Variants in DCBLD1 observed in about 807,000 individuals in gnomAD.
The protein encoded by DCBLD1 is discoidin, CUB and LCCL domain containing 1, also known as discoidin, CUB and LCCL domain-containing protein 1.
DCBLD1 carries 57 observed loss-of-function variants against 71.5 expected under a neutral mutation model. The ratio of observed to expected loss-of-function variants is 0.80; its 90% CI spans 0.64 to 0.99. The LOEUF is 0.99. Among genes scored for constraint, DCBLD1 ranks in the 50% least tolerant of loss-of-function variants. DCBLD1 has a pLI of 0.00. For synonymous variants in DCBLD1, 380 were observed against 363.8 expected (o/e 1.04, Z -0.51); for missense variants, 891 against 923.5 (o/e 0.96, Z 0.46).
chr6:117,492,102 A>G (rs1421264478), intron 1 of DCBLD1, among the ~76,000 whole-genome samples: 2 of 152,222 alleles, frequency 1.3e-5, no homozygotes, highest in Admixed American at 6.5e-5. Context: ...CCGTCTCTCT[A>G]TGAGTTACAA....
chr6:117,529,572 G>A (rs1434580491), intron 5 of DCBLD1, among the ~76,000 whole-genome samples: 1 of 151,876 alleles, frequency 6.6e-6, no homozygotes, highest in African/African-American at 2.4e-5. Context: ...TGTTCAAAAG[G>A]GAATTTTCAA....
chr6:117,557,557 A>G (rs78518192), intron 14 of DCBLD1, among the ~76,000 whole-genome samples: 3,315 of 152,242 alleles, frequency 0.022, 132 homozygotes, highest in African/African-American at 0.076. Flanking sequence ...GAGGTCAGAA[A>G]GTTCAAGACC....
chr6:117,564,418 T>C (rs1291711489), intron 14 of DCBLD1, among the ~76,000 whole-genome samples: 2 of 152,222 alleles, frequency 1.3e-5, no homozygotes, highest in African/African-American at 4.8e-5. Context: ...AGGCATATAC[T>C]AGTTAATTGC....
intron 14 of DCBLD1, among the ~76,000 whole-genome samples, chr6:117,557,012 T>C (rs1214676533): frequency 6.6e-6 from 1 of 152,184 alleles, no homozygotes; most frequent in Non-Finnish European, 1.5e-5. Flanking sequence ...ACTTGTATGT[T>C]TTCTTTTGAA....
intron 6 of DCBLD1, 87 bp downstream of exon 6, chr6:117,532,480 C>G (rs1778758041): frequency 1.4e-6 from 2 of 1,433,420 alleles, no homozygotes; most frequent in Non-Finnish European, 1.8e-6. Context: ...GAAAAGACAG[C>G]AGGGATGTGA....
At chr6:117,562,152 C>G (rs1779596406) in intron 14 of DCBLD1, 2 of 207,094 alleles carry the variant, frequency 9.7e-6, no homozygotes, top group East Asian at 1.5e-4. Context: ...GACAACAGAC[C>G]TAACAAATTT....
At chr6:117,507,471 C>T (rs1777880743) in intron 2 of DCBLD1, among the ~76,000 whole-genome samples, 1 of 152,084 alleles carries the variant, frequency 6.6e-6, no homozygotes, top group African/African-American at 2.4e-5. Flanking sequence ...ATGCCTGTGG[C>T]TGAATTAAGA....
chr6:117,516,709 G>T (rs1324803357), intron 2 of DCBLD1, among the ~76,000 whole-genome samples: 1 of 152,186 alleles, frequency 6.6e-6, no homozygotes, highest in Non-Finnish European at 1.5e-5. Context: ...TGGACTTACA[G>T]TTCCACGTAG....
chr6:117,519,896 T>C lies in DCBLD1; in HGVS notation c.406T>C (p.Ser136Pro), dbSNP rs200367817. 5 of 1,614,162 alleles carry C rather than the reference T, an allele frequency of 3.1e-6. No individual in the cohort carries two copies. Among genetic ancestry groups the C allele is most frequent in the Non-Finnish European group, 4.2e-6 (5 of 1,180,012 alleles). Residue 136 changes from serine to proline, a missense_variant, in exon 3 of 15, where the codon TCC becomes CCC. By Grantham distance (74) the Ser-to-Pro change is moderately conservative. Coordinates refer to ENST00000338728, the MANE Select transcript of DCBLD1 (RefSeq NM_001366458.2). ...SEVTVRFESG[S>P]HISGRGFLLT... is the part of the protein sequence containing the mutation. ...AGTAACCGTCCGCTTTGAGAGTGGATCCCACATTTCTGGCCGGGGTTTTTT... is the reference window on the plus strand; with the variant it reads ...AGTAACCGTCCGCTTTGAGAGTGGACCCCACATTTCTGGCCGGGGTTTTTT...
At position 117,548,239 on chromosome 6, in the gene DCBLD1, G is replaced by A. The variant is rs920955730; in HGVS notation, c.1948G>A (p.Gly650Arg). The A allele has an allele frequency of 5.2e-6, 8 of 1,550,606 alleles. No homozygotes were observed. Among genetic ancestry groups the A allele is most frequent in the African/African-American group, 1.4e-5 (1 of 73,182 alleles). ...SPVAGVGAQD[G>R]DYQRPHSAQP... ...CGTAGCGGGTGTGGGCGCCCAGGAC[G>A]GAGACTATCAAAGGCCACACAGCGC... Residue 650 changes from glycine (G) to arginine (R), a missense_variant, in exon 15 of 15, where the codon GGA (glycine) becomes AGA (arginine). Gly to Arg is a moderately radical substitution (Grantham distance 125). Coordinates refer to ENST00000338728, the MANE Select transcript of DCBLD1 (RefSeq NM_001366458.2).
At chr6:117,541,913 A>C (rs771529899) in intron 11 of DCBLD1, among the ~76,000 whole-genome samples, 3 of 152,190 alleles carry the variant, frequency 2.0e-5, no homozygotes, top group Non-Finnish European at 4.4e-5. Flanking sequence ...GTATTTTTTC[A>C]CATGGATAAA....
At position 117,545,464 on chromosome 6, in the gene DCBLD1, T is replaced by TA. The variant is rs1161476288; in HGVS notation, c.1496-13dup. ...TCTGACATATTCATTTGGTTTATGTTACCTTTATTCCAGACTGTTGGAAGC... is the reference window on the plus strand; with the variant it reads ...TCTGACATATTCATTTGGTTTATGTTAACCTTTATTCCAGACTGTTGGAAGC... On this transcript the variant is annotated splice_polypyrimidine_tract_variant and intron_variant, in intron 13 of 14. Transcript: ENST00000338728. 6.2e-7 allele frequency: 1 copy of TA among 1,612,994 alleles called. No individual in the cohort carries two copies. The highest frequency in any genetic ancestry group is 1.1e-5 in the South Asian group (1 of 90,838).
Position 117,503,874 on chromosome 6 carries a change from G to A in DCBLD1, c.220G>A (p.Val74Ile), listed in dbSNP as rs766543954. The A allele has an allele frequency of 1.2e-6, 2 of 1,614,114 alleles. No individual in the cohort carries two copies. The highest frequency in any genetic ancestry group is 8.5e-7 in the Non-Finnish European group (1 of 1,180,002). Residue 74 changes from valine (V) to isoleucine (I), a missense_variant, in exon 2 of 15, where the codon GTA becomes ATA. Val to Ile is a conservative substitution (Grantham distance 29). Transcript: ENST00000338728. ...NHTVCEKTIT[V>I]PKGKRLILRL... ...CACTGTTTGCGAAAAGACAATTACA[G>A]TACCAAAGGGGAAAAGACTGATTCT...
chr6:117,501,186 T>C (rs757451630), intron 1 of DCBLD1, among the ~76,000 whole-genome samples: 7 of 152,198 alleles, frequency 4.6e-5, no homozygotes, highest in African/African-American at 1.4e-4. Context: ...TCAAAATAAA[T>C]GCTTACAAAG....
At position 117,482,873 on chromosome 6, in the gene DCBLD1, G is replaced by C; in HGVS notation, c.92G>C (p.Arg31Pro). The C allele has an allele frequency of 8.4e-7, 1 of 1,191,790 alleles. No homozygotes were observed. The highest frequency in any genetic ancestry group is 1.0e-6 in the Non-Finnish European group (1 of 961,010). 73.8% of individuals were successfully genotyped at this position (1,191,790 alleles called of 1,614,324 possible). ...CTGCTCGCGGTCTCCGCCCCGCTCC[G>C]GCTGCAGGCGGAGGAGCTGGGTGAG... ...ALLLAVSAPL[R>P]LQAEELGDGC... is the part of the protein sequence containing the mutation. The change falls in exon 1 of 15, where the codon CGG becomes CCG. Residue 31 changes from arginine (R) to proline (P), a missense_variant. Coordinates refer to ENST00000338728, the MANE Select transcript of DCBLD1 (RefSeq NM_001366458.2).
rs545136513 is a variant in DCBLD1, at chr6:117,510,555, C to G, written c.325+6576C>G. On this transcript the variant is annotated intron_variant, in intron 2 of 14. Transcript: ENST00000338728. Reference sequence around the variant, plus strand: ...GCTTCTCTGTCAGATACGGGATGCCCTGAGCCAGGAATTACGTTTTATTCA... The same window carrying G: ...GCTTCTCTGTCAGATACGGGATGCCGTGAGCCAGGAATTACGTTTTATTCA... Among the ~76,000 whole-genome samples the G allele has an allele frequency of 5.9e-5, 9 of 152,246 alleles. No individual in the cohort carries two copies. In the South Asian group the frequency reaches 1.2e-3, roughly 21 times the overall value.
At chr6:117,540,633 T>C (rs1304135318) in intron 9 of DCBLD1, 35 bp from the exon 10 acceptor site, 2 of 1,612,910 alleles carry the variant, frequency 1.2e-6, no homozygotes, top group African/African-American at 2.7e-5. Context: ...AACTCACTAA[T>C]AGAATCTTAA....
intron 1 of DCBLD1, among the ~76,000 whole-genome samples, chr6:117,502,126 C>G (rs13210963): frequency 6.6e-6 from 1 of 152,008 alleles, no homozygotes; most frequent in Non-Finnish European, 1.5e-5. Flanking sequence ...GTTCCTGTAG[C>G]GTTGTCCAGC....
downstream of DCBLD1, among the ~76,000 whole-genome samples, chr6:117,553,130 T>C (rs1389996143): frequency 6.6e-6 from 1 of 152,236 alleles, no homozygotes; most frequent in Non-Finnish European, 1.5e-5. Context: ...TCCAGTTTAC[T>C]GGGGGCCCAT....
Sources: gnomAD v4.1 joint callset for allele counts (sites outside exome capture counted in the v4.1 genomes callset) on GRCh38, gnomAD v4.1.1 for gene constraint, MANE v1.5 for transcripts, NCBI Gene and HGNC (gene_info 2026-07-23, HGNC 2026-07-21) for gene names.